The following GRID2 variants were observed in gnomAD, a reference collection of about 807,000 sequenced individuals.
GRID2 encodes glutamate receptor ionotropic, delta-2.
In GRID2, 33 loss-of-function variants were observed where a neutral mutation model predicts 114.8. The ratio of observed to expected loss-of-function variants is 0.29; its 90% CI spans 0.22 to 0.38. The LOEUF (loss-of-function observed/expected upper bound fraction) is 0.38. Ranked by LOEUF, GRID2 falls within the 10% of genes least tolerant of loss-of-function variation. The probability of loss-of-function intolerance (pLI) is 1.00; values close to 1 mark genes in which losing one functional copy is unlikely to be tolerated. For synonymous variants in GRID2, 505 were observed against 449.9 expected, an observed-to-expected ratio of 1.12 and a Z score of -1.55; for missense variants, 1,184 against 1,257.7, an observed-to-expected ratio of 0.94 and a Z score of 0.89.
chr4:93,262,927 A>T (rs1362267124), intron 8 of GRID2, among the ~76,000 whole-genome samples: 1 of 151,750 alleles, frequency 6.6e-6, no homozygotes, highest in Non-Finnish European at 1.5e-5. Flanking sequence ...TTACTCTTTC[A>T]CCAGAAGTTA....
chr4:93,344,421 T>G (rs535365658), intron 8 of GRID2, among the ~76,000 whole-genome samples: 11 of 151,366 alleles, frequency 7.3e-5, no homozygotes, highest in Non-Finnish European at 1.6e-4. Flanking sequence ...TTTTCTTTTT[T>G]CCCCCCTCAG....
At chr4:92,717,699 A>G (rs562802688) in intron 2 of GRID2, among the ~76,000 whole-genome samples, 3 of 152,314 alleles carry the variant, frequency 2.0e-5, no homozygotes, top group African/African-American at 7.2e-5. Flanking sequence ...AGTTGTCATT[A>G]AAACAAAATG....
chr4:93,697,342 C>A (rs1727106574), intron 14 of GRID2, among the ~76,000 whole-genome samples: 1 of 152,076 alleles, frequency 6.6e-6, no homozygotes, highest in South Asian at 2.1e-4. Context: ...GCTTATCATT[C>A]CAATTCTTGT....
intron 14 of GRID2, among the ~76,000 whole-genome samples, chr4:93,669,859 AATCATT>A (rs1048906992): frequency 7.2e-5 from 11 of 152,250 alleles, no homozygotes; most frequent in Middle Eastern, 6.8e-3. Context: ...ATACAAGAAA[AATCATT>A]ACTACAAAAT....
intron 14 of GRID2, among the ~76,000 whole-genome samples, chr4:93,690,910 CT>C (rs1029983919): frequency 2.0e-5 from 3 of 147,758 alleles, no homozygotes; most frequent in African/African-American, 7.4e-5. Context: ...TGTTATGTAG[CT>C]TTATATATAA....
chr4:92,855,144 C>T (rs922908332), intron 2 of GRID2, among the ~76,000 whole-genome samples: 2 of 152,010 alleles, frequency 1.3e-5, no homozygotes, highest in African/African-American at 4.8e-5. Flanking sequence ...TGTGAGACTA[C>T]TTCTTACAGC....
chr4:92,834,255 T>A lies in GRID2; in HGVS notation c.244+243969T>A, dbSNP rs80327451. 3.4e-3 allele frequency among the ~76,000 whole-genome samples: 514 copies of A among 152,312 alleles called. 5 individuals carry two copies. The East Asian group carries it at 0.049, about 15-fold the overall frequency. ...ACAATATGGGAGGTTCTCTTTTGATTTTTATTTCATATATTTTCTTTTGTT... is the reference window on the plus strand; with the variant it reads ...ACAATATGGGAGGTTCTCTTTTGATATTTATTTCATATATTTTCTTTTGTT... On this transcript the variant is annotated intron_variant, in intron 2 of 15. Transcript: ENST00000282020.
At chr4:92,439,205 A>G (rs1276315556) in intron 1 of GRID2, among the ~76,000 whole-genome samples, 6 of 152,060 alleles carry the variant, frequency 3.9e-5, no homozygotes, top group Non-Finnish European at 7.4e-5. Flanking sequence ...GAGCCAGGAA[A>G]AGGACTTTCA....
At position 93,772,440 on chromosome 4, in the gene GRID2, C is replaced by G; in HGVS notation, c.2966C>G (p.Pro989Arg). Residue 989 changes from proline to arginine, a missense_variant, in exon 16 of 16, where the codon CCA (proline) becomes CGA (arginine). Pro to Arg is a moderately radical substitution (Grantham distance 103, BLOSUM62 -2). Coordinates refer to ENST00000282020, the MANE Select transcript of GRID2 (RefSeq NM_001510.4). ...ACAATGTCATCTATTCCTTATCAAC[C>G]AACTCCTACCCTGGGGCTCAATCTG... Reference protein sequence around the residue: ...IKTMSSIPYQPTPTLGLNLGN... With the variant: ...IKTMSSIPYQRTPTLGLNLGN... 1.2e-6 allele frequency: 2 copies of G among 1,612,994 alleles called. No homozygotes were observed. The highest frequency in any genetic ancestry group is 8.5e-7 in the Non-Finnish European group (1 of 1,179,336).
intron 1 of GRID2, among the ~76,000 whole-genome samples, chr4:92,516,748 G>A (rs189181597): frequency 1.8e-4 from 28 of 151,912 alleles, no homozygotes; most frequent in African/African-American, 6.8e-4. Context: ...TACTGTGCAG[G>A]CTTCCTGCAG....
At chr4:93,502,666 C>T (rs909541552) in intron 12 of GRID2, among the ~76,000 whole-genome samples, 2 of 151,216 alleles carry the variant, frequency 1.3e-5, no homozygotes, top group African/African-American at 4.9e-5. Flanking sequence ...GTTCCTGTCA[C>T]CTAAAGATAT....
At chr4:93,217,248 T>C (rs762503244) in intron 6 of GRID2, 1 of 166,328 alleles carries the variant, frequency 6.0e-6, no homozygotes, top group Admixed American at 5.9e-5. Context: ...ATAAATGTGC[T>C]TGACTTTTCT....
At chr4:92,433,203 T>C (rs1231985046) in intron 1 of GRID2, among the ~76,000 whole-genome samples, 1 of 152,112 alleles carries the variant, frequency 6.6e-6, no homozygotes, top group Non-Finnish European at 1.5e-5. Context: ...CAAGCTGTAC[T>C]GCATGGGGTT....
intron 2 of GRID2, among the ~76,000 whole-genome samples, chr4:92,608,200 A>C (rs1361645551): frequency 1.3e-5 from 2 of 151,826 alleles, no homozygotes; most frequent in Non-Finnish European, 2.9e-5. Flanking sequence ...TCTGTGTCCT[A>C]TTCCCAACTT....
At chr4:93,270,637 GT>G (rs541489748) in intron 8 of GRID2, among the ~76,000 whole-genome samples, 2 of 150,478 alleles carry the variant, frequency 1.3e-5, no homozygotes, top group South Asian at 4.2e-4. Context: ...GTTTTGTTTT[GT>G]TTTTTTTTGA....
intron 4 of GRID2, among the ~76,000 whole-genome samples, chr4:93,123,291 C>T (rs1484157560): frequency 2.0e-5 from 3 of 151,946 alleles, no homozygotes; most frequent in Non-Finnish European, 4.4e-5. Flanking sequence ...TATTCCATTC[C>T]ATTTGAATTA....
chr4:92,691,641 G>C (rs1231452256), intron 2 of GRID2, among the ~76,000 whole-genome samples: 3 of 152,170 alleles, frequency 2.0e-5, no homozygotes, highest in Admixed American at 1.3e-4. Flanking sequence ...CAAAATCTCT[G>C]GGCTGGGGCC....
chr4:92,905,214 C>T (rs926418914), intron 2 of GRID2, among the ~76,000 whole-genome samples: 1 of 151,548 alleles, frequency 6.6e-6, no homozygotes, highest in African/African-American at 2.4e-5. Flanking sequence ...AAGTTAGTGC[C>T]ACTCTAATTA....
At chr4:93,030,403 G>A (rs1323432297) in intron 2 of GRID2, among the ~76,000 whole-genome samples, 1 of 141,020 alleles carries the variant, frequency 7.1e-6, no homozygotes, top group Non-Finnish European at 1.5e-5. Context: ...TTTTTTTTCT[G>A]AGATGGAGTC....
Sources: gnomAD v4.1 joint callset for allele counts (sites outside exome capture counted in the v4.1 genomes callset) on GRCh38, gnomAD v4.1.1 for gene constraint, MANE v1.5 for transcripts, NCBI Gene and HGNC (gene_info 2026-07-23, HGNC 2026-07-21) for gene names.